The following PLD1 variants were observed in gnomAD, a reference collection of about 807,000 sequenced individuals.
PLD1 encodes the protein phospholipase D1.
PLD1 carries 112 observed loss-of-function variants against 137.1 expected under a neutral mutation model. The observed-to-expected ratio is 0.82, with a 90% CI of 0.70 to 0.96. PLD1 has a LOEUF of 0.96. Ranked by LOEUF, PLD1 falls within the 40% of genes least tolerant of loss-of-function variation. PLD1 has a pLI of 0.00. For synonymous variants in PLD1, 431 were observed against 454.7 expected (o/e 0.95, Z 0.66); for missense variants, 1,321 against 1,342.0 (o/e 0.98, Z 0.24).
At chr3:171,749,491 T>C (rs533634929) in intron 1 of PLD1, among the ~76,000 whole-genome samples, 63 of 152,354 alleles carry the variant, frequency 4.1e-4, no homozygotes, top group African/African-American at 1.4e-3. Context: ...ATAAAAATTA[T>C]CCAAGATCAC....
At chr3:171,721,171 AT>A (rs922009581) in intron 8 of PLD1, among the ~76,000 whole-genome samples, 26 of 152,190 alleles carry the variant, frequency 1.7e-4, no homozygotes, top group African/African-American at 6.3e-4. Context: ...AAATGACTGA[AT>A]AAACCAGACC....
At chr3:171,794,902 T>G (rs895471008) in intron 1 of PLD1, among the ~76,000 whole-genome samples, 8 of 152,242 alleles carry the variant, frequency 5.3e-5, no homozygotes, top group African/African-American at 1.7e-4. Context: ...CTATATAGAT[T>G]TAATGATAAA....
chr3:171,614,548 C>G (rs1016350330), intron 24 of PLD1, among the ~76,000 whole-genome samples: 2 of 152,176 alleles, frequency 1.3e-5, no homozygotes, highest in African/African-American at 2.4e-5. Context: ...CTTGTTAACT[C>G]TACAATAACT....
chr3:171,673,520 C>T (rs57276164), intron 19 of PLD1, among the ~76,000 whole-genome samples: 4,354 of 152,252 alleles, frequency 0.029, 154 homozygotes, highest in African/African-American at 0.084. Flanking sequence ...ATCCACCCGC[C>T]TCGGCCTCCC....
At chr3:171,658,565 G>T in intron 21 of PLD1, among the ~76,000 whole-genome samples, 1 of 152,160 alleles carries the variant, frequency 6.6e-6, no homozygotes, top group Admixed American at 6.5e-5. Flanking sequence ...ACCCCATATT[G>T]TGTGACTCCA....
At chr3:171,642,222 T>C (rs1051220271) in intron 23 of PLD1, among the ~76,000 whole-genome samples, 1 of 151,826 alleles carries the variant, frequency 6.6e-6, no homozygotes, top group Non-Finnish European at 1.5e-5. Flanking sequence ...TGGGAGGCTG[T>C]GGCGGGTGGA....
intron 1 of PLD1, among the ~76,000 whole-genome samples, chr3:171,803,476 G>T (rs1315112308): frequency 1.3e-5 from 2 of 152,166 alleles, no homozygotes; most frequent in Admixed American, 1.3e-4. Context: ...TGCCAATTTC[G>T]ATGGTGTAAA....
At chr3:171,681,707 A>G (rs1021520126) in intron 16 of PLD1, among the ~76,000 whole-genome samples, 7 of 152,280 alleles carry the variant, frequency 4.6e-5, no homozygotes, top group African/African-American at 1.4e-4. Context: ...TCTTCCCTCA[A>G]TGAATTACTA....
At chr3:171,639,568 T>TATATAATATATATTC (rs1306824378) in intron 23 of PLD1, among the ~76,000 whole-genome samples, 1,229 of 68,962 alleles carry the variant, frequency 0.018, 64 homozygotes, top group African/African-American at 0.081. Flanking sequence ...ATATATATTA[T>TATATAATATATATTC]ATATAATATA....
chr3:171,756,773 A>T (rs1721062208), intron 1 of PLD1, among the ~76,000 whole-genome samples: 1 of 152,218 alleles, frequency 6.6e-6, no homozygotes, highest in African/African-American at 2.4e-5. Context: ...TTCATTAAAG[A>T]AATGTTAATA....
At chr3:171,673,928 C>T (rs1041365309) in intron 19 of PLD1, among the ~76,000 whole-genome samples, 4 of 150,840 alleles carry the variant, frequency 2.7e-5, no homozygotes, top group African/African-American at 1.0e-4. Context: ...CTGGACCAGA[C>T]TAGGATTTCA....
chr3:171,652,013 T>C lies in PLD1; in HGVS notation c.2430-6990A>G, dbSNP rs137961084. Among the ~76,000 whole-genome samples the C allele has an allele frequency of 4.5e-4, 68 of 152,282 alleles. No individual in the cohort carries two copies. The East Asian group carries it at 6.9e-3, about 16-fold the overall frequency. ...TAAATCAAAAGGTCTCCTGCCACGA[T>C]CTGTTGTCATCTGTGTCCCAAGGTA... On this transcript the variant is annotated intron_variant, in intron 21 of 26. Transcript: ENST00000351298.
intron 11 of PLD1, among the ~76,000 whole-genome samples, chr3:171,702,447 C>T (rs1259681310): frequency 6.6e-6 from 1 of 150,526 alleles, no homozygotes; most frequent in African/African-American, 2.4e-5. Flanking sequence ...ACGATCATGT[C>T]AGTGCACTTC....
intron 4 of PLD1, 70 bp downstream of exon 4, chr3:171,735,422 T>G: frequency 7.6e-7 from 1 of 1,308,642 alleles, no homozygotes; most frequent in Admixed American, 1.7e-5. Context: ...AGGTGTGAGC[T>G]ACCACACCCA....
chr3:171,684,956 C>T (rs1288216689), intron 16 of PLD1, among the ~76,000 whole-genome samples: 1 of 152,196 alleles, frequency 6.6e-6, no homozygotes, highest in African/African-American at 2.4e-5. Flanking sequence ...AACAGTTACA[C>T]TGAAGTTTTA....
At chr3:171,647,850 C>T (rs1736395858) in intron 21 of PLD1, among the ~76,000 whole-genome samples, 1 of 152,104 alleles carries the variant, frequency 6.6e-6, no homozygotes, top group Non-Finnish European at 1.5e-5. Flanking sequence ...GACAGAAACT[C>T]GGTGACTATC....
At chr3:171,719,079 G>T (rs1330199647) in intron 8 of PLD1, among the ~76,000 whole-genome samples, 1 of 152,096 alleles carries the variant, frequency 6.6e-6, no homozygotes, top group Non-Finnish European at 1.5e-5. Flanking sequence ...TTCTTCTTTA[G>T]ACTTGCCAGT....
chr3:171,775,434 T>G (rs1268161700), intron 1 of PLD1, among the ~76,000 whole-genome samples: 1 of 152,228 alleles, frequency 6.6e-6, no homozygotes, highest in African/African-American at 2.4e-5. Flanking sequence ...CCTATGCATT[T>G]TAATTTTATG....
chr3:171,689,582 C>G (rs937654537), intron 13 of PLD1, among the ~76,000 whole-genome samples: 1 of 152,048 alleles, frequency 6.6e-6, no homozygotes, highest in Non-Finnish European at 1.5e-5. Context: ...CTCACTGCAG[C>G]CTTGAATTCC....
Sources: allele counts gnomAD v4.1 joint callset (sites outside exome capture counted in the v4.1 genomes callset), GRCh38; gene constraint gnomAD v4.1.1; transcripts MANE v1.5; gene names NCBI Gene and HGNC (gene_info 2026-07-23, HGNC 2026-07-21).